PDE1A: variants seen among roughly 807,000 people sequenced by gnomAD.
The protein encoded by PDE1A is phosphodiesterase 1A, also known as dual specificity calcium/calmodulin-dependent 3',5'-cyclic nucleotide phosphodiesterase 1A.
In PDE1A, 35 loss-of-function variants were observed where a neutral mutation model predicts 61.7. The ratio of observed to expected loss-of-function variants is 0.57; its 90% CI spans 0.43 to 0.75. PDE1A has a LOEUF of 0.75. Among genes scored for constraint, PDE1A ranks in the 30% least tolerant of loss-of-function variants. PDE1A has a pLI of 0.00. For synonymous variants in PDE1A, 232 were observed against 213.2 expected (o/e 1.09, Z -0.77); for missense variants, 597 against 630.6 (o/e 0.95, Z 0.57).
chr2:182,468,351 A>T (rs1269130712), intron 2 of PDE1A, among the ~76,000 whole-genome samples: 2 of 152,022 alleles, frequency 1.3e-5, no homozygotes, highest in Admixed American at 6.6e-5. Flanking sequence ...TGTTCATAGC[A>T]TCTTCACCAG....
chr2:182,454,456 G>A (rs1038523281), intron 2 of PDE1A, among the ~76,000 whole-genome samples: 4 of 151,974 alleles, frequency 2.6e-5, no homozygotes, highest in African/African-American at 4.8e-5. Context: ...AGCCCGCATC[G>A]CCAAGTCAAT....
intron 2 of PDE1A, among the ~76,000 whole-genome samples, chr2:182,248,508 C>A (rs1691155564): frequency 6.6e-6 from 1 of 152,120 alleles, no homozygotes; most frequent in Admixed American, 6.6e-5. Flanking sequence ...TCAACTAATC[C>A]TTCGGAGCTA....
intron 4 of PDE1A, among the ~76,000 whole-genome samples, chr2:182,233,124 TTAAAA>T (rs1469993741): frequency 6.6e-6 from 1 of 152,198 alleles, no homozygotes; most frequent in African/African-American, 2.4e-5. Context: ...GCAAAAATTC[TTAAAA>T]TAAATAAAAT....
At chr2:182,614,345 C>T in the PDE1A span, among the ~76,000 whole-genome samples, 2 of 152,016 alleles carry the variant, frequency 1.3e-5, no homozygotes, top group Admixed American at 1.3e-4. Context: ...TAATAGCTAG[C>T]TCATAGAGCT....
At chr2:182,576,995 T>C in the PDE1A span, among the ~76,000 whole-genome samples, 1 of 152,328 alleles carries the variant, frequency 6.6e-6, no homozygotes, top group African/African-American at 2.4e-5. Context: ...CCATATCAGA[T>C]ATACGATTTG....
chr2:182,419,785 G>A lies in PDE1A; in HGVS notation c.53+6793C>T, dbSNP rs547068325. ...TGTCAAACTACATGCCTTTTGTTTC[G>A]CACCTACTACGTTCCCACCATATCC... On this transcript the variant is annotated intron_variant, in intron 1 of 13. Coordinates refer to ENST00000351439, the Ensembl canonical transcript of PDE1A. 6.6e-5 allele frequency among the ~76,000 whole-genome samples: 10 copies of A among 152,036 alleles called. No homozygotes were observed. The East Asian group carries it at 7.7e-4, about 12-fold the overall frequency.
the PDE1A span, among the ~76,000 whole-genome samples, chr2:182,638,236 T>C: frequency 6.6e-6 from 1 of 152,026 alleles, no homozygotes; most frequent in Non-Finnish European, 1.5e-5. Flanking sequence ...ACTAAATAAT[T>C]AAAATAAAAA....
intron 13 of PDE1A, among the ~76,000 whole-genome samples, chr2:182,151,086 CTT>C (rs1690752631): frequency 6.6e-6 from 1 of 151,980 alleles, no homozygotes. Flanking sequence ...TCACAGCAAA[CTT>C]ATTATTATTA....
At chr2:182,654,994 C>A in the PDE1A span, among the ~76,000 whole-genome samples, 1 of 152,136 alleles carries the variant, frequency 6.6e-6, no homozygotes, top group Non-Finnish European at 1.5e-5. Context: ...AAGGTACCAC[C>A]ATTTGGCCTC....
At chr2:182,275,157 C>G (rs982310764) in intron 1 of PDE1A, among the ~76,000 whole-genome samples, 1 of 151,984 alleles carries the variant, frequency 6.6e-6, no homozygotes, top group African/African-American at 2.4e-5. Flanking sequence ...AAGAGGGAGG[C>G]AGGATCACCA....
the PDE1A span, among the ~76,000 whole-genome samples, chr2:182,700,721 C>CAAAAAAAAA: frequency 8.3e-4 from 20 of 23,998 alleles, 1 homozygote; most frequent in Non-Finnish European, 1.7e-3. Context: ...GACTCCATCT[C>CAAAAAAAAA]AAAAAAAAAA....
At chr2:182,677,533 C>T in the PDE1A span, among the ~76,000 whole-genome samples, 8 of 152,144 alleles carry the variant, frequency 5.3e-5, no homozygotes, top group African/African-American at 1.9e-4. Context: ...CCTCACAGAG[C>T]TAGACAAAAA....
chr2:182,272,489 A>G (rs1693101406), intron 1 of PDE1A, among the ~76,000 whole-genome samples: 1 of 152,214 alleles, frequency 6.6e-6, no homozygotes, highest in Admixed American at 6.5e-5. Flanking sequence ...GCATTTTCAA[A>G]TATTCAACAA....
chr2:182,223,755 C>A (rs1400105622), intron 7 of PDE1A, 109 bp downstream of exon 7: 7 of 614,830 alleles, frequency 1.1e-5, no homozygotes, highest in South Asian at 2.4e-5. Flanking sequence ...ATTAATTAAA[C>A]CTGTTCTTAT....
the PDE1A span, among the ~76,000 whole-genome samples, chr2:182,670,412 C>A: frequency 2.0e-5 from 3 of 152,154 alleles, no homozygotes; most frequent in African/African-American, 7.2e-5. Context: ...CAGAGTGAGA[C>A]CCAGCTATCA....
intron 1 of PDE1A, among the ~76,000 whole-genome samples, chr2:182,419,336 C>CTTTTTTT (rs35320184): frequency 3.0e-5 from 4 of 132,624 alleles, no homozygotes; most frequent in South Asian, 2.4e-4. Flanking sequence ...TTTTTCTTTT[C>CTTTTTTT]TTTTTTTTTT....
intron 1 of PDE1A, among the ~76,000 whole-genome samples, chr2:182,387,390 C>A (rs1247005395): frequency 2.0e-5 from 3 of 150,318 alleles, no homozygotes; most frequent in Non-Finnish European, 4.4e-5. Context: ...TCCCCCTCTG[C>A]CAGAAACACC....
chr2:182,612,942 A>G, the PDE1A span, among the ~76,000 whole-genome samples: 1 of 152,180 alleles, frequency 6.6e-6, no homozygotes, highest in Non-Finnish European at 1.5e-5. Context: ...CAGTTTTTTT[A>G]TCTTTTCATG....
intron 2 of PDE1A, among the ~76,000 whole-genome samples, chr2:182,263,901 C>T (rs1395046802): frequency 6.6e-6 from 1 of 152,132 alleles, no homozygotes; most frequent in Non-Finnish European, 1.5e-5. Flanking sequence ...AATGTGTGGG[C>T]ATATAACACC....
Sources: gnomAD v4.1 joint callset for allele counts (sites outside exome capture counted in the v4.1 genomes callset) on GRCh38, gnomAD v4.1.1 for gene constraint, MANE v1.5 for transcripts, NCBI Gene and HGNC (gene_info 2026-07-23, HGNC 2026-07-21) for gene names.